Variants in PARD3 observed in about 807,000 individuals in gnomAD.
PARD3 encodes the protein par-3 family cell polarity regulator, also known as partitioning defective 3 homolog.
PARD3 carries 75 observed loss-of-function variants against 155.4 expected under a neutral mutation model. The ratio of observed to expected loss-of-function variants is 0.48; its 90% confidence interval spans 0.40 to 0.58. PARD3 has a LOEUF of 0.58. Ranked by LOEUF, PARD3 falls within the 20% of genes least tolerant of loss-of-function variation. The probability of loss-of-function intolerance (pLI) is 0.00; values close to 1 mark genes in which losing one functional copy is unlikely to be tolerated. For missense variants in PARD3, 1,642 were observed against 1,721.7 expected, an observed-to-expected ratio of 0.95 and a Z score of 0.82; for synonymous variants, 576 against 610.5, an observed-to-expected ratio of 0.94 and a Z score of 0.83.
At chr10:34,601,191 C>T (rs892148005) in intron 2 of PARD3, among the ~76,000 whole-genome samples, 11 of 149,516 alleles carry the variant, frequency 7.4e-5, no homozygotes, top group Middle Eastern at 3.4e-3. Flanking sequence ...GAGGCAAAGG[C>T]AGGAGAAGGA....
intron 22 of PARD3, among the ~76,000 whole-genome samples, chr10:34,171,093 T>C (rs940795080): frequency 2.0e-5 from 3 of 152,208 alleles, no homozygotes; most frequent in Non-Finnish European, 4.4e-5. Context: ...ATTCATGACA[T>C]ATAGTCTCAC....
At chr10:34,495,497 A>G (rs1004974856) in intron 3 of PARD3, among the ~76,000 whole-genome samples, 1 of 152,218 alleles carries the variant, frequency 6.6e-6, no homozygotes, top group Admixed American at 6.5e-5. Flanking sequence ...ATTTAGAGCC[A>G]GCGTGCTCCT....
intron 22 of PARD3, among the ~76,000 whole-genome samples, chr10:34,251,401 G>A (rs1353944641): frequency 2.0e-5 from 3 of 152,202 alleles, no homozygotes; most frequent in African/African-American, 7.2e-5. Flanking sequence ...GGACTGCTCT[G>A]TGTGCCAGGC....
At chr10:34,560,346 GA>G (rs2085365028) in intron 2 of PARD3, among the ~76,000 whole-genome samples, 2 of 152,184 alleles carry the variant, frequency 1.3e-5, no homozygotes, top group East Asian at 1.9e-4. Context: ...CCGCCGTGCA[GA>G]AAAAGTTAAC....
chr10:34,369,340 ATTT>A (rs1445189142), intron 12 of PARD3, among the ~76,000 whole-genome samples: 2 of 135,638 alleles, frequency 1.5e-5, no homozygotes, highest in Admixed American at 1.5e-4. Flanking sequence ...TTATTTATTT[ATTT>A]ATTTATTGGC....
At chr10:34,429,563 TG>T (rs200298752) in intron 5 of PARD3, among the ~76,000 whole-genome samples, 3 of 103,344 alleles carry the variant, frequency 2.9e-5, no homozygotes, top group African/African-American at 2.6e-4. Flanking sequence ...AGTTTTGTTT[TG>T]TTTTGTTTTG....
intron 1 of PARD3, among the ~76,000 whole-genome samples, chr10:34,738,184 T>C (rs1590889181): frequency 6.6e-6 from 1 of 152,184 alleles, no homozygotes. Flanking sequence ...AACACACATA[T>C]GCTAGACTAA....
intron 22 of PARD3, among the ~76,000 whole-genome samples, chr10:34,237,120 T>C (rs145874839): frequency 4.4e-3 from 673 of 152,330 alleles, no homozygotes; most frequent in Non-Finnish European, 7.2e-3. Flanking sequence ...CATGTGTCTG[T>C]AAACTCTTAA....
chr10:34,444,080 G>C (rs542612069), intron 5 of PARD3, among the ~76,000 whole-genome samples: 1 of 152,214 alleles, frequency 6.6e-6, no homozygotes, highest in South Asian at 2.1e-4. Context: ...CCTAAAACAT[G>C]GAAAAAACAT....
At chr10:34,468,006 C>T (rs540562982) in intron 4 of PARD3, among the ~76,000 whole-genome samples, 1 of 152,182 alleles carries the variant, frequency 6.6e-6, no homozygotes, top group East Asian at 1.9e-4. Context: ...TGACTGGCAG[C>T]ATTTCTAGGG....
chr10:34,548,102 T>C (rs2084247217), intron 2 of PARD3, among the ~76,000 whole-genome samples: 2 of 152,206 alleles, frequency 1.3e-5, no homozygotes, highest in African/African-American at 2.4e-5. Flanking sequence ...CATTAATTAA[T>C]CCAGGAAACT....
intron 1 of PARD3, among the ~76,000 whole-genome samples, chr10:34,777,185 C>T (rs1000756870): frequency 5.3e-5 from 8 of 151,876 alleles, no homozygotes; most frequent in Non-Finnish European, 1.2e-4. Context: ...TGCTTTGGAA[C>T]CTTCGAAGAC....
At chr10:34,317,442 A>G in intron 19 of PARD3, 104 bp from the exon 20 acceptor site, 1 of 1,199,896 alleles carries the variant, frequency 8.3e-7, no homozygotes, top group Non-Finnish European at 1.1e-6. Flanking sequence ...CTTTTACTGC[A>G]GTATGGCCCT....
intron 7 of PARD3, among the ~76,000 whole-genome samples, chr10:34,389,239 T>TAAAAA (rs57615675): frequency 0.017 from 1,134 of 65,842 alleles, 196 homozygotes; most frequent in African/African-American, 0.075. Flanking sequence ...CAATGTTTCT[T>TAAAAA]AAAAAAAAAA....
At chr10:34,329,001 A>G (rs899774146) in intron 19 of PARD3, among the ~76,000 whole-genome samples, 1 of 152,186 alleles carries the variant, frequency 6.6e-6, no homozygotes, top group Non-Finnish European at 1.5e-5. Context: ...TCTTGTCCAG[A>G]ACTTTATCTT....
Position 34,321,385 on chromosome 10 carries a change from A to AT in PARD3, c.2834-4048dup, listed in dbSNP as rs577171809. On this transcript the variant is annotated intron_variant, in intron 19 of 24. Coordinates refer to ENST00000374788, the MANE Select transcript of PARD3 (RefSeq NM_001184785.2). The stretch of plus-strand genomic sequence containing the variant: ...TTTTAAGTGCTATATACATTTCTTG[A>AT]TTTTTTTCTCTTTAATTTTGCTCAT... 9.5e-4 allele frequency among the ~76,000 whole-genome samples: 144 copies of AT among 152,172 alleles called. 1 individual carries two copies. Among genetic ancestry groups the AT allele is most frequent in the African/African-American group, 3.2e-3 (132 of 41,528 alleles).
intron 3 of PARD3, among the ~76,000 whole-genome samples, chr10:34,493,842 A>G (rs996842751): frequency 1.3e-5 from 2 of 152,152 alleles, no homozygotes; most frequent in South Asian, 2.1e-4. Flanking sequence ...TTATTTTACT[A>G]TATTTTATTA....
At chr10:34,756,882 C>T (rs946400152) in intron 1 of PARD3, among the ~76,000 whole-genome samples, 1 of 152,182 alleles carries the variant, frequency 6.6e-6, no homozygotes, top group Non-Finnish European at 1.5e-5. Flanking sequence ...ATTTTTCAAC[C>T]ACTGCTTTCT....
intron 23 of PARD3, among the ~76,000 whole-genome samples, chr10:34,127,022 C>G (rs1156764194): frequency 6.6e-6 from 1 of 152,090 alleles, no homozygotes; most frequent in Non-Finnish European, 1.5e-5. Flanking sequence ...AGTTGAGTTT[C>G]CAAATGTACA....
Sources: gnomAD v4.1 joint callset for allele counts (sites outside exome capture counted in the v4.1 genomes callset) on GRCh38, gnomAD v4.1.1 for gene constraint, MANE v1.5 for transcripts, NCBI Gene and HGNC (gene_info 2026-07-23, HGNC 2026-07-21) for gene names.